Variants in DCUN1D4 observed in about 807,000 individuals in gnomAD.
The protein encoded by DCUN1D4 is defective in cullin neddylation 1 domain containing 4.
DCUN1D4 carries 22 observed loss-of-function variants against 47.9 expected under a neutral mutation model. The observed-to-expected ratio is 0.46, with a 90% CI of 0.33 to 0.66. DCUN1D4 has a LOEUF of 0.66. Ranked by LOEUF, DCUN1D4 falls within the 30% of genes least tolerant of loss-of-function variation. The probability of loss-of-function intolerance (pLI) is 0.02; values close to 1 mark genes in which losing one functional copy is unlikely to be tolerated. For synonymous variants in DCUN1D4, 121 were observed against 112.2 expected, an observed-to-expected ratio of 1.08 and a Z score of -0.50; for missense variants, 301 against 340.8, an observed-to-expected ratio of 0.88 and a Z score of 0.92.
At chr4:51,903,465 C>A (rs1041341181) in intron 8 of DCUN1D4, among the ~76,000 whole-genome samples, 2 of 151,860 alleles carry the variant, frequency 1.3e-5, no homozygotes, top group Non-Finnish European at 2.9e-5. Flanking sequence ...TATAATATTC[C>A]CTGGAATAAT....
chr4:51,913,472 T>C, intron 10 of DCUN1D4, 57 bp from the exon 11 acceptor site: 1 of 1,555,696 alleles, frequency 6.4e-7, no homozygotes, highest in Non-Finnish European at 8.8e-7. Flanking sequence ...GCTACATTAC[T>C]ATTATTATTA....
chr4:51,837,410 G>A, the DCUN1D4 span, among the ~76,000 whole-genome samples: 1 of 152,190 alleles, frequency 6.6e-6, no homozygotes, highest in Non-Finnish European at 1.5e-5. Context: ...GCTCACGCCT[G>A]TAATCCCAGC....
At chr4:51,848,394 T>G in intron 1 of DCUN1D4, 1 of 1,115,166 alleles carries the variant, frequency 9.0e-7, no homozygotes, top group Non-Finnish European at 1.1e-6. Context: ...CCTAGAGTGT[T>G]TGTCCTTTTC....
At chr4:51,838,052 A>G (rs1203421163), upstream of DCUN1D4, among the ~76,000 whole-genome samples, 1 of 152,112 alleles carries the variant, frequency 6.6e-6, no homozygotes, top group African/African-American at 2.4e-5. Context: ...TGGCACACGC[A>G]TGTAGTCCCA....
intron 7 of DCUN1D4, 56 bp from the exon 8 acceptor site, chr4:51,899,214 T>TAA (rs200564413): frequency 1.3e-6 from 2 of 1,494,626 alleles, no homozygotes; most frequent in African/African-American, 2.9e-5. Flanking sequence ...CTGCCTCTAT[T>TAA]AAAAAAATAA....
At chr4:51,837,380 A>T in the DCUN1D4 span, among the ~76,000 whole-genome samples, 2 of 152,218 alleles carry the variant, frequency 1.3e-5, no homozygotes, top group East Asian at 3.9e-4. Flanking sequence ...GTGTTAAGAA[A>T]TCTTAGGCCG....
chr4:51,834,271 A>C, the DCUN1D4 span, among the ~76,000 whole-genome samples: 1 of 151,492 alleles, frequency 6.6e-6, no homozygotes, highest in African/African-American at 2.4e-5. Flanking sequence ...GTTAATCAAA[A>C]TAGGTCCTAA....
chr4:51,857,021 A>G (rs1413584307), intron 1 of DCUN1D4, among the ~76,000 whole-genome samples: 2 of 152,172 alleles, frequency 1.3e-5, no homozygotes, highest in African/African-American at 4.8e-5. Context: ...ATGAAAATAC[A>G]TCACTTTAAA....
At position 51,874,379 on chromosome 4, in the gene DCUN1D4, A is replaced by C. The variant is rs1346078746; in HGVS notation, c.245A>C (p.His82Pro). The stretch of plus-strand genomic sequence containing the variant: ...GATTTATCTGCCAAGAAAAGTAGAC[A>C]TGATAGGTATGATGTAGAGACAGTA... ...GDDLSAKKSR[H>P]DSMYRKYDST... The change falls in exon 4 of 11, where the codon CAT becomes CCT. Residue 82 changes from histidine to proline, a missense_variant. Coordinates refer to ENST00000334635, the MANE Select transcript of DCUN1D4 (RefSeq NM_001040402.3). 1 of 1,605,950 alleles carries C rather than the reference A, an allele frequency of 6.2e-7. No homozygotes were observed. Among genetic ancestry groups the C allele is most frequent in the Admixed American group, 1.7e-5 (1 of 59,748 alleles).
chr4:51,858,534 A>G (rs1011256582), intron 1 of DCUN1D4, among the ~76,000 whole-genome samples: 1 of 152,176 alleles, frequency 6.6e-6, no homozygotes, highest in African/African-American at 2.4e-5. Context: ...CTATTGGGTG[A>G]GGTGGAATTA....
At chr4:51,870,706 G>C (rs1351421699) in intron 3 of DCUN1D4, among the ~76,000 whole-genome samples, 2 of 152,216 alleles carry the variant, frequency 1.3e-5, no homozygotes, top group African/African-American at 4.8e-5. Context: ...ACGTGCACTT[G>C]AGAAATCCTA....
At chr4:51,835,799 A>G in the DCUN1D4 span, among the ~76,000 whole-genome samples, 1 of 152,184 alleles carries the variant, frequency 6.6e-6, no homozygotes, top group African/African-American at 2.4e-5. Context: ...TGGCCTCACA[A>G]GAAGCAGTTC....
upstream of DCUN1D4, among the ~76,000 whole-genome samples, chr4:51,838,523 A>G (rs914052211): frequency 1.3e-5 from 2 of 152,092 alleles, no homozygotes; most frequent in African/African-American, 4.8e-5. Context: ...CTAGGATTAC[A>G]GGCAGCTGCC....
chr4:51,854,838 C>A (rs946465360), intron 1 of DCUN1D4, among the ~76,000 whole-genome samples: 1 of 152,134 alleles, frequency 6.6e-6, no homozygotes, highest in African/African-American at 2.4e-5. Context: ...AAATCTGAAA[C>A]CCAAAATGCA....
At chr4:51,843,007 G>C, upstream of DCUN1D4, 4 of 1,310,860 alleles carry the variant, frequency 3.1e-6, no homozygotes, top group Non-Finnish European at 3.9e-6. Context: ...GCCAGTGGGG[G>C]GCGGGGCCTC....
At chr4:51,855,758 G>A (rs951690165) in intron 1 of DCUN1D4, among the ~76,000 whole-genome samples, 35 of 152,282 alleles carry the variant, frequency 2.3e-4, no homozygotes, top group African/African-American at 8.2e-4. Context: ...AGTGATTCAA[G>A]TAAAAGGTTG....
intron 3 of DCUN1D4, among the ~76,000 whole-genome samples, chr4:51,864,628 C>G (rs1374079360): frequency 6.6e-6 from 1 of 152,168 alleles, no homozygotes; most frequent in African/African-American, 2.4e-5. Flanking sequence ...CTCTTGCTCA[C>G]TGCATCTTAA....
upstream of DCUN1D4, chr4:51,843,084 C>A: frequency 2.1e-6 from 3 of 1,414,290 alleles, no homozygotes; most frequent in Admixed American, 2.7e-5. Context: ...CAGGGCGGCC[C>A]CTGAGCCGCG....
rs915837462 is a variant in DCUN1D4, at chr4:51,843,155, C to T, written c.-88C>T. ...GGAGTGCCCGGCGGCGGGTCCTCAG[C>T]TTCGAGCCGAGGTGCAGTGAGCTGG... On this transcript the variant is annotated 5_prime_UTR_variant, in exon 1 of 11. Transcript: ENST00000334635. 1.4e-5 allele frequency: 21 copies of T among 1,519,908 alleles called. No individual in the cohort carries two copies. Among genetic ancestry groups the T allele is most frequent in the South Asian group, 6.2e-5 (5 of 81,140 alleles). The allele number at this position is 1,519,908 out of a possible 1,614,324, so 94.2% of individuals were successfully genotyped here. A position where few individuals can be genotyped will look rare whatever the true frequency, so the allele number is the denominator to read the frequency against.
Sources: allele counts gnomAD v4.1 joint callset (sites outside exome capture counted in the v4.1 genomes callset), GRCh38; gene constraint gnomAD v4.1.1; transcripts MANE v1.5; gene names NCBI Gene and HGNC (gene_info 2026-07-23, HGNC 2026-07-21).